Variants in RHBDD1 observed in about 807,000 individuals in gnomAD.
RHBDD1 encodes rhomboid-related protein 4.
In RHBDD1, 38 loss-of-function variants were observed where a neutral mutation model predicts 36.3. The ratio of observed to expected loss-of-function variants is 1.05; its 90% CI spans 0.81 to 1.37. The LOEUF is 1.37. RHBDD1 is among the 40% of genes most tolerant of loss of function. The pLI is 0.00. For synonymous variants in RHBDD1, 151 were observed against 136.5 expected (o/e 1.11, Z -0.74); for missense variants, 393 against 377.6 (o/e 1.04, Z -0.34).
intron 8 of RHBDD1, among the ~76,000 whole-genome samples, chr2:226,925,614 A>G (rs184748227): frequency 9.2e-5 from 14 of 152,306 alleles, no homozygotes; most frequent in East Asian, 1.9e-4. Context: ...GACAATTACA[A>G]TGGTTTCAAA....
intron 5 of RHBDD1, among the ~76,000 whole-genome samples, chr2:226,885,873 T>G (rs1304274198): frequency 6.6e-6 from 1 of 152,090 alleles, no homozygotes; most frequent in African/African-American, 2.4e-5. Flanking sequence ...ATGCTGGGTT[T>G]TTTCAATCCG....
At chr2:226,918,278 A>G (rs537434703) in intron 8 of RHBDD1, among the ~76,000 whole-genome samples, 1 of 152,136 alleles carries the variant, frequency 6.6e-6, no homozygotes, top group African/African-American at 2.4e-5. Context: ...ATCAGGGTAA[A>G]TGGAGTATCC....
At chr2:226,916,205 A>T (rs1948898637) in intron 8 of RHBDD1, among the ~76,000 whole-genome samples, 4 of 152,194 alleles carry the variant, frequency 2.6e-5, no homozygotes, top group Admixed American at 2.6e-4. Context: ...GGATAGGGAG[A>T]TAGTCTCCAC....
At chr2:226,978,532 A>G (rs1955002537) in intron 8 of RHBDD1, among the ~76,000 whole-genome samples, 1 of 152,174 alleles carries the variant, frequency 6.6e-6, no homozygotes, top group East Asian at 1.9e-4. Context: ...TTACATCTGT[A>G]TAATGAAGGC....
chr2:226,881,061 A>C (rs1945685238), intron 5 of RHBDD1, among the ~76,000 whole-genome samples: 1 of 152,154 alleles, frequency 6.6e-6, no homozygotes, highest in Non-Finnish European at 1.5e-5. Flanking sequence ...GAAACTTATA[A>C]TCATGGTGGA....
intron 8 of RHBDD1, among the ~76,000 whole-genome samples, chr2:226,927,994 T>C (rs1949779235): frequency 6.6e-6 from 1 of 152,114 alleles, no homozygotes; most frequent in South Asian, 2.1e-4. Flanking sequence ...CATTTAGTGT[T>C]GTATCTAAGA....
chr2:226,879,467 A>G (rs559355284), intron 5 of RHBDD1, among the ~76,000 whole-genome samples: 76 of 152,324 alleles, frequency 5.0e-4, no homozygotes, highest in Middle Eastern at 3.4e-3. Flanking sequence ...AGTTGTCTGT[A>G]TATGGAAATG....
chr2:226,992,599 CT>C (rs1377488032), intron 8 of RHBDD1, among the ~76,000 whole-genome samples: 2 of 152,176 alleles, frequency 1.3e-5, no homozygotes, highest in African/African-American at 2.4e-5. Context: ...CACGTGGGAA[CT>C]TTAGAGTTAC....
chr2:226,992,664 T>TTTTCAG (rs1958508263), intron 8 of RHBDD1, among the ~76,000 whole-genome samples: 1 of 152,224 alleles, frequency 6.6e-6, no homozygotes, highest in Non-Finnish European at 1.5e-5. Flanking sequence ...TGGAACTTCT[T>TTTTCAG]ATTTTTCTGT....
At chr2:226,975,577 G>C (rs1265889149) in intron 8 of RHBDD1, among the ~76,000 whole-genome samples, 1 of 152,146 alleles carries the variant, frequency 6.6e-6, no homozygotes, top group African/African-American at 2.4e-5. Context: ...AATGAAATGG[G>C]CAGTTTGGTA....
chr2:226,801,082 C>T, the RHBDD1 span, among the ~76,000 whole-genome samples: 1 of 152,216 alleles, frequency 6.6e-6, no homozygotes, highest in African/African-American at 2.4e-5. Flanking sequence ...GATGCCTGGC[C>T]CGTTTGGGGT....
intron 8 of RHBDD1, among the ~76,000 whole-genome samples, chr2:226,990,833 G>A (rs1253271884): frequency 6.6e-6 from 1 of 152,084 alleles, no homozygotes; most frequent in African/African-American, 2.4e-5. Flanking sequence ...AAAATTGAGG[G>A]CTGACCTCCA....
intron 4 of RHBDD1, among the ~76,000 whole-genome samples, chr2:226,866,233 A>G (rs756869616): frequency 2.0e-5 from 3 of 151,944 alleles, no homozygotes; most frequent in African/African-American, 4.8e-5. Context: ...CACCATGCCC[A>G]GCTAATTTTT....
chr2:226,883,201 C>A (rs1014161908), intron 5 of RHBDD1, among the ~76,000 whole-genome samples: 4 of 152,124 alleles, frequency 2.6e-5, no homozygotes, highest in Non-Finnish European at 4.4e-5. Flanking sequence ...TCTCATTGAC[C>A]CTCATGTGTT....
At chr2:226,948,601 TAAAAA>T (rs60725545) in intron 8 of RHBDD1, among the ~76,000 whole-genome samples, 1 of 122,542 alleles carries the variant, frequency 8.2e-6, no homozygotes, top group African/African-American at 2.9e-5. Flanking sequence ...AAAATAAAAA[TAAAAA>T]AAAATAAAAT....
Position 226,865,135 on chromosome 2 carries a change from G to A in RHBDD1, c.433+9G>A, listed in dbSNP as rs776702189. 3.8e-6 allele frequency: 6 copies of A among 1,590,082 alleles called. No homozygotes were observed. Among genetic ancestry groups the A allele is most frequent in the Admixed American group, 1.8e-5 (1 of 55,134 alleles). The stretch of plus-strand genomic sequence containing the variant: ...TGCTGTAGGTTTCTCAGGTAAGGGA[G>A]ACAAAATTTTGAGGTTGCATGCATA... On this transcript the variant is annotated intron_variant, in intron 4 of 8. Transcript: ENST00000392062.
chr2:226,918,051 C>T (rs1949038735), intron 8 of RHBDD1, among the ~76,000 whole-genome samples: 1 of 151,944 alleles, frequency 6.6e-6, no homozygotes, highest in Non-Finnish European at 1.5e-5. Flanking sequence ...ATACTAACTC[C>T]TATTAGGAAA....
intron 5 of RHBDD1, among the ~76,000 whole-genome samples, chr2:226,868,067 C>A (rs1258992526): frequency 6.6e-6 from 1 of 152,112 alleles, no homozygotes; most frequent in African/African-American, 2.4e-5. Flanking sequence ...GGTAGTAGAA[C>A]TTTTTAAACA....
Position 226,963,845 on chromosome 2 carries a change from GC to G in RHBDD1, c.857-31581del, listed in dbSNP as rs563597995. 3.8e-4 allele frequency among the ~76,000 whole-genome samples: 58 copies of G among 152,078 alleles called. No individual in the cohort carries two copies. The East Asian group carries it at 9.1e-3, about 24-fold the overall frequency. On this transcript the variant is annotated intron_variant, in intron 8 of 8. Transcript: ENST00000392062. Reference sequence around the variant, plus strand: ...AAAATGGAATCCACCCCTAGGCAATGCCCCCAACCTCCCATCATGAAAACTA... The same window carrying G: ...AAAATGGAATCCACCCCTAGGCAATGCCCCAACCTCCCATCATGAAAACTA...
Sources: allele counts gnomAD v4.1 joint callset (sites outside exome capture counted in the v4.1 genomes callset), GRCh38; gene constraint gnomAD v4.1.1; transcripts MANE v1.5; gene names NCBI Gene and HGNC (gene_info 2026-07-23, HGNC 2026-07-21).